Variants in SDK1 observed in about 807,000 individuals in gnomAD.
SDK1 encodes the protein protein sidekick-1.
SDK1 carries 157 observed loss-of-function variants against 245.5 expected under a neutral mutation model. That is an observed-to-expected ratio of 0.64 (90% confidence interval 0.56 to 0.73). SDK1 has a LOEUF of 0.73. Among genes scored for constraint, SDK1 ranks in the 30% least tolerant of loss-of-function variants. The pLI, the probability that SDK1 is intolerant of heterozygous loss-of-function variation, is 0.00. For missense variants in SDK1, 3,583 were observed against 3,002.3 expected, an observed-to-expected ratio of 1.19 and a Z score of -4.52; for synonymous variants, 1,647 against 1,278.5, an observed-to-expected ratio of 1.29 and a Z score of -6.15.
intron 1 of SDK1, among the ~76,000 whole-genome samples, chr7:3,601,318 A>G (rs933777433): frequency 2.1e-4 from 32 of 152,164 alleles, no homozygotes; most frequent in African/African-American, 6.0e-4. Context: ...AATGTTTGGT[A>G]GAATTCTCCA....
intron 35 of SDK1, among the ~76,000 whole-genome samples, chr7:4,190,606 G>A (rs915122093): frequency 3.9e-5 from 6 of 152,250 alleles, no homozygotes; most frequent in Middle Eastern, 3.2e-3. Flanking sequence ...AGGTGCCTCC[G>A]CCGTGGGGGA....
intron 4 of SDK1, among the ~76,000 whole-genome samples, chr7:3,780,966 G>A (rs73032378): frequency 6.6e-6 from 1 of 151,892 alleles, no homozygotes; most frequent in African/African-American, 2.4e-5. Context: ...CCAGTGACCC[G>A]ACGTAAGCAG....
intron 22 of SDK1, among the ~76,000 whole-genome samples, chr7:4,090,311 C>CTGGA (rs1454886185): frequency 6.6e-6 from 1 of 152,204 alleles, no homozygotes; most frequent in African/African-American, 2.4e-5. Context: ...ATATTTCTTG[C>CTGGA]TGGAATTAAT....
At chr7:3,796,273 C>G (rs933038128) in intron 4 of SDK1, among the ~76,000 whole-genome samples, 3 of 152,236 alleles carry the variant, frequency 2.0e-5, no homozygotes, top group African/African-American at 4.8e-5. Context: ...CATTTATCCT[C>G]CGTGTCCACG....
chr7:3,667,337 C>T (rs1783564996), intron 4 of SDK1, among the ~76,000 whole-genome samples: 1 of 152,124 alleles, frequency 6.6e-6, no homozygotes, highest in African/African-American at 2.4e-5. Context: ...TTTTATGAGT[C>T]ACTTGTAGAA....
intron 14 of SDK1, 34 bp from the exon 15 acceptor site, chr7:4,010,932 T>C: frequency 6.2e-7 from 1 of 1,611,952 alleles, no homozygotes; most frequent in Non-Finnish European, 8.5e-7. Flanking sequence ...ATGATAAGCC[T>C]GTGGGCTTGA....
chr7:3,780,631 A>C (rs140469978), intron 4 of SDK1, among the ~76,000 whole-genome samples: 537 of 152,148 alleles, frequency 3.5e-3, no homozygotes, highest in Non-Finnish European at 4.8e-3. Flanking sequence ...GCAGGAAGAC[A>C]TTCACCTCCT....
At position 4,253,063 on chromosome 7, in the gene SDK1, C is replaced by T. The variant is rs552256183; in HGVS notation, c.6381+7258C>T. Among the ~76,000 whole-genome samples the T allele has an allele frequency of 3.0e-4, 45 of 152,174 alleles. No individual in the cohort carries two copies. The South Asian group carries it at 8.3e-3, about 28-fold the overall frequency. On this transcript the variant is annotated intron_variant, in intron 44 of 44. Coordinates refer to ENST00000404826, the MANE Select transcript of SDK1 (RefSeq NM_152744.4). ...TGGTTAAAGTTTTGTCAATTTTGTT[C>T]ATCTTTGCAAAGAACCAACTTGTAG...
chr7:3,547,129 T>C (rs929904960), intron 1 of SDK1, among the ~76,000 whole-genome samples: 2 of 152,220 alleles, frequency 1.3e-5, no homozygotes, highest in African/African-American at 4.8e-5. Context: ...TTTATTATGA[T>C]TTAACCCTAA....
chr7:3,596,531 G>A (rs1194106983), intron 1 of SDK1, among the ~76,000 whole-genome samples: 3 of 152,130 alleles, frequency 2.0e-5, no homozygotes, highest in Admixed American at 6.5e-5. Context: ...TTTGACAAAC[G>A]CATGGACTTT....
At chr7:3,490,988 C>A (rs1366018839) in intron 1 of SDK1, among the ~76,000 whole-genome samples, 1 of 152,228 alleles carries the variant, frequency 6.6e-6, no homozygotes, top group Non-Finnish European at 1.5e-5. Flanking sequence ...CAGCTACCGT[C>A]AACAGACTGA....
intron 1 of SDK1, among the ~76,000 whole-genome samples, chr7:3,492,973 C>T (rs185609858): frequency 3.5e-4 from 54 of 152,134 alleles, no homozygotes; most frequent in Admixed American, 8.5e-4. Flanking sequence ...TTTTTTGAGA[C>T]GGAGTCTTGC....
intron 4 of SDK1, among the ~76,000 whole-genome samples, chr7:3,781,498 A>G (rs542842603): frequency 1.3e-5 from 2 of 152,312 alleles, no homozygotes; most frequent in East Asian, 3.9e-4. Context: ...TGTGCAGATA[A>G]CACAAGGATT....
chr7:4,233,224 C>G, intron 40 of SDK1, 31 bp from the exon 41 acceptor site: 2 of 1,601,498 alleles, frequency 1.2e-6, no homozygotes, highest in Non-Finnish European at 1.7e-6. Context: ...CACTTCTAAC[C>G]TCTGCTCTCG....
At chr7:3,551,616 C>T (rs1004041739) in intron 1 of SDK1, among the ~76,000 whole-genome samples, 2 of 151,000 alleles carry the variant, frequency 1.3e-5, no homozygotes, top group African/African-American at 4.9e-5. Flanking sequence ...AGTCCAGAAA[C>T]ATCAATTTGG....
intron 13 of SDK1, among the ~76,000 whole-genome samples, chr7:3,978,767 T>A (rs1783162262): frequency 6.6e-6 from 1 of 151,882 alleles, no homozygotes; most frequent in African/African-American, 2.4e-5. Flanking sequence ...AAGAGAAAAA[T>A]CTCATATTGC....
chr7:3,496,445 G>A (rs912461830), intron 1 of SDK1, among the ~76,000 whole-genome samples: 4 of 151,196 alleles, frequency 2.6e-5, no homozygotes, highest in Non-Finnish European at 5.9e-5. Context: ...GAGGTATCAC[G>A]CTGTGTTTTT....
At position 3,958,911 on chromosome 7, in the gene SDK1, T is replaced by C; in HGVS notation, c.1151-20T>C. ...ATCCTTCTTTGGCTTAGGGGCTTTT[T>C]TTTATTTTCTTGTTTGAAGAGCCAC... On this transcript the variant is annotated intron_variant, in intron 7 of 44. Transcript: ENST00000404826. The C allele has an allele frequency of 6.2e-7, 1 of 1,604,622 alleles. No individual in the cohort carries two copies. Among genetic ancestry groups the C allele is most frequent in the Non-Finnish European group, 8.5e-7 (1 of 1,171,966 alleles).
chr7:4,017,447 G>C (rs1419577956), intron 17 of SDK1, 95 bp downstream of exon 17: 1 of 1,115,722 alleles, frequency 9.0e-7, no homozygotes, highest in South Asian at 1.7e-5. Context: ...GAAAAACAGA[G>C]AATCCAGTCC....
Sources: allele counts gnomAD v4.1 joint callset (sites outside exome capture counted in the v4.1 genomes callset), GRCh38; gene constraint gnomAD v4.1.1; transcripts MANE v1.5; gene names NCBI Gene and HGNC (gene_info 2026-07-23, HGNC 2026-07-21).